PHOSPHO1: variants seen among roughly 807,000 people sequenced by gnomAD.
The protein encoded by PHOSPHO1 is phosphoethanolamine/phosphocholine phosphatase 1.
Under a neutral mutation model 17.7 loss-of-function variants are expected in PHOSPHO1, and 6 were observed. The ratio of observed to expected loss-of-function variants is 0.34; its 90% CI spans 0.19 to 0.67. The LOEUF is 0.67. Among genes scored for constraint, PHOSPHO1 ranks in the 30% least tolerant of loss-of-function variants. The pLI is 0.69. For missense variants in PHOSPHO1, 330 were observed against 392.1 expected (o/e 0.84, Z 1.34); for synonymous variants, 159 against 174.6 (o/e 0.91, Z 0.71).
At chr17:49,230,050 C>G (rs1297157988) in intron 1 of PHOSPHO1, among the ~76,000 whole-genome samples, 4 of 152,050 alleles carry the variant, frequency 2.6e-5, no homozygotes, top group Non-Finnish European at 4.4e-5. Flanking sequence ...TCTGGGCACT[C>G]CCTGGGTGGG....
At chr17:49,226,203 C>T (rs1459646754) in intron 2 of PHOSPHO1, among the ~76,000 whole-genome samples, 1 of 152,098 alleles carries the variant, frequency 6.6e-6, no homozygotes, top group Non-Finnish European at 1.5e-5. Flanking sequence ...TTCTCCCGCC[C>T]AGCTCCCACC....
At chr17:49,230,440 C>CCCCTATCTCCCGGAGCCCAGGACTCACG (rs1296237104) in intron 1 of PHOSPHO1, 28 bp downstream of exon 1, 1 of 152,600 alleles carries the variant, frequency 6.6e-6, no homozygotes, top group East Asian at 1.9e-4. Context: ...CCCCAGCCCT[C>CCCCTATCTCCCGGAGCCCAGGACTCACG]CCCTATCTCC....
chr17:49,226,816 G>A, intron 1 of PHOSPHO1, 58 bp from the exon 2 acceptor site: 1 of 1,088,632 alleles, frequency 9.2e-7, no homozygotes, highest in Non-Finnish European at 1.4e-6. Flanking sequence ...GCTTCCACCA[G>A]GAATACCCAC....
chr17:49,227,898 A>G (rs956275174), intron 1 of PHOSPHO1, among the ~76,000 whole-genome samples: 4 of 151,974 alleles, frequency 2.6e-5, no homozygotes, highest in Non-Finnish European at 5.9e-5. Flanking sequence ...GGGCAAAGAG[A>G]GGGTGAGGGA....
In PHOSPHO1 at chr17:49,226,631, G is replaced by A. The variant is rs1567889617; in HGVS notation, c.45+16C>T. Reference sequence around the variant, plus strand: ...TGAGGCCTCATCCTAGGAGACCCCTGGAGGGACCCACTTACCCTAGATAGG... The same window carrying A: ...TGAGGCCTCATCCTAGGAGACCCCTAGAGGGACCCACTTACCCTAGATAGG... On this transcript the variant is annotated intron_variant, in intron 2 of 2. Transcript: ENST00000310544. 1 of 1,613,814 alleles carries A rather than the reference G, an allele frequency of 6.2e-7. No individual in the cohort carries two copies. Among genetic ancestry groups the A allele is most frequent in the Admixed American group, 1.7e-5 (1 of 60,004 alleles).
chr17:49,225,082 G>A lies in PHOSPHO1; in HGVS notation c.46-78C>T, dbSNP rs2043339031. 2 of 1,444,488 alleles carry A rather than the reference G, an allele frequency of 1.4e-6. No homozygotes were observed. The highest frequency in any genetic ancestry group is 1.8e-6 in the Non-Finnish European group (2 of 1,104,874). 89.5% of individuals were successfully genotyped at this position (1,444,488 alleles called of 1,614,324 possible). Reference sequence around the variant, plus strand: ...AGGGGGCGCGGCAGGAGCCCGCCCGGGAGAGGCTGGTTAGCGGGCCACGGC... The same window carrying A: ...AGGGGGCGCGGCAGGAGCCCGCCCGAGAGAGGCTGGTTAGCGGGCCACGGC... On this transcript the variant is annotated intron_variant, in intron 2 of 2. Coordinates refer to ENST00000310544, the MANE Select transcript of PHOSPHO1 (RefSeq NM_178500.4).
chr17:49,230,303 G>A (rs1414963041), intron 1 of PHOSPHO1, among the ~76,000 whole-genome samples, 165 bp downstream of exon 1: 1 of 152,020 alleles, frequency 6.6e-6, no homozygotes, highest in Non-Finnish European at 1.5e-5. Flanking sequence ...GGGACGGAGG[G>A]ATACCCCAGC....
At chr17:49,226,163 A>C (rs2043354150) in intron 2 of PHOSPHO1, among the ~76,000 whole-genome samples, 1 of 152,070 alleles carries the variant, frequency 6.6e-6, no homozygotes, top group African/African-American at 2.4e-5. Flanking sequence ...AGCAGGTGAC[A>C]TGCAGCTTCC....
Position 49,224,371 on chromosome 17 carries a change from G to T in PHOSPHO1, c.679C>A (p.Pro227Thr). Reference protein sequence around the residue: ...GDVAFPRRGYPMHRLIQEAQK... With the variant: ...GDVAFPRRGYTMHRLIQEAQK... ...GCCTCCTGAATGAGGCGGTGCATGGGGTAGCCGCGGCGCGGGAAGGCCACG... is the reference window on the plus strand; with the variant it reads ...GCCTCCTGAATGAGGCGGTGCATGGTGTAGCCGCGGCGCGGGAAGGCCACG... Residue 227 changes from proline (P) to threonine (T), a missense_variant, in exon 3 of 3, where the codon CCC becomes ACC. Pro to Thr is a conservative substitution (Grantham distance 38, BLOSUM62 -1). Transcript: ENST00000310544. The T allele has an allele frequency of 6.4e-7, 1 of 1,557,704 alleles. No individual in the cohort carries two copies.
chr17:49,224,364 T>C lies in PHOSPHO1; in HGVS notation c.686A>G (p.His229Arg). 6.4e-7 allele frequency: 1 copy of C among 1,564,076 alleles called. No individual in the cohort carries two copies. The highest frequency in any genetic ancestry group is 8.6e-7 in the Non-Finnish European group (1 of 1,158,282). ...VAFPRRGYPM[H>R]RLIQEAQKAE... ...CTTCTGGGCCTCCTGAATGAGGCGG[T>C]GCATGGGGTAGCCGCGGCGCGGGAA... Residue 229 changes from histidine to arginine, a missense_variant, in exon 3 of 3, where the codon CAC (histidine) becomes CGC (arginine). His to Arg is a conservative substitution (Grantham distance 29, BLOSUM62 0). Coordinates refer to ENST00000310544, the MANE Select transcript of PHOSPHO1 (RefSeq NM_178500.4).
At chr17:49,225,130 A>T in intron 2 of PHOSPHO1, 126 bp from the exon 3 acceptor site, 1 of 1,438,674 alleles carries the variant, frequency 7.0e-7, no homozygotes, top group Non-Finnish European at 9.1e-7. Flanking sequence ...CACATCCAAC[A>T]CCTGAGGAGG....
At position 49,228,273 on chromosome 17, in the gene PHOSPHO1, CTTCCTTCCTTCCTTCCTTCCTTCCTCCT is replaced by C. The variant is rs1184376561; in HGVS notation, c.-67-1543_-67-1516del. 8.2e-4 allele frequency among the ~76,000 whole-genome samples: 82 copies of C among 100,484 alleles called. 2 individuals are homozygous for C. In the Middle Eastern group the frequency reaches 0.015, roughly 18 times the overall value. 65.9% of individuals were successfully genotyped at this position (100,484 alleles called of 152,430 possible). ...CCTTCCTTCCTTCCTTCCTTCCTTCCTTCCTTCCTTCCTTCCTTCCTTCCTCCTTCCTTCCTTCCTTCCTTCCTTCCTT... is the reference window on the plus strand; with the variant it reads ...CCTTCCTTCCTTCCTTCCTTCCTTCCTCCTTCCTTCCTTCCTTCCTTCCTT... On this transcript the variant is annotated intron_variant, in intron 1 of 2. Coordinates refer to ENST00000310544, the MANE Select transcript of PHOSPHO1 (RefSeq NM_178500.4).
chr17:49,225,942 G>C (rs766701399), intron 2 of PHOSPHO1, among the ~76,000 whole-genome samples: 1 of 152,046 alleles, frequency 6.6e-6, no homozygotes, highest in Non-Finnish European at 1.5e-5. Flanking sequence ...AGACAGAGTA[G>C]GGGTAGGGAT....
At chr17:49,230,297 C>T (rs943829152) in intron 1 of PHOSPHO1, among the ~76,000 whole-genome samples, 171 bp downstream of exon 1, 1 of 151,892 alleles carries the variant, frequency 6.6e-6, no homozygotes, top group African/African-American at 2.4e-5. Context: ...GAGTCGGGGA[C>T]GGAGGGATAC....
Position 49,226,669 on chromosome 17 carries a change from G to A in PHOSPHO1, c.23C>T (p.Ser8Phe). 2 of 1,614,230 alleles carry A rather than the reference G, an allele frequency of 1.2e-6. No individual in the cohort carries two copies. The highest frequency in any genetic ancestry group is 1.7e-6 in the Non-Finnish European group (2 of 1,180,038). ...TACCCTAGATAGGCAGCGGAGGCCA[G>A]AAACTGGAAAACAGCCACTCATTGT... is the stretch of plus-strand genomic sequence containing the variant. MSGCFPVSGLRCLSRDGR... is the reference protein window; with the variant it reads MSGCFPVFGLRCLSRDGR... The change falls in exon 2 of 3, where the codon TCT becomes TTT. Residue 8 changes from serine to phenylalanine, a missense_variant. Transcript: ENST00000310544.
chr17:49,223,998 C>T lies in PHOSPHO1; in HGVS notation c.*248G>A. The T allele has an allele frequency of 4.4e-6, 2 of 452,566 alleles. No individual in the cohort carries two copies. Among genetic ancestry groups the T allele is most frequent in the South Asian group, 8.0e-5 (1 of 12,576 alleles). The allele number at this position is 452,566 out of a possible 1,614,324, so 28.0% of individuals were successfully genotyped here. A position where few individuals can be genotyped will look rare whatever the true frequency, so the allele number is the denominator to read the frequency against. ...CTTCCAAGGTTTGCGCGCCACCCCG[C>T]GATGGGTCAGACTCCAGAACTCAAC... On this transcript the variant is annotated 3_prime_UTR_variant, in exon 3 of 3. Coordinates refer to ENST00000310544, the MANE Select transcript of PHOSPHO1 (RefSeq NM_178500.4).
chr17:49,225,356 G>A (rs1482938640), intron 2 of PHOSPHO1: 1 of 985,310 alleles, frequency 1.0e-6, no homozygotes, highest in African/African-American at 1.7e-5. Flanking sequence ...ACCACTTTGG[G>A]GAGGTTTCTG....
At chr17:49,225,570 G>T in intron 2 of PHOSPHO1, 1 of 1,262,894 alleles carries the variant, frequency 7.9e-7, no homozygotes, top group Non-Finnish European at 1.0e-6. Context: ...TAGCCCAATG[G>T]CACTGAACAG....
At chr17:49,225,864 G>A (rs1489758729) in intron 2 of PHOSPHO1, 2 of 1,188,028 alleles carry the variant, frequency 1.7e-6, no homozygotes, top group Admixed American at 7.1e-5. Context: ...GGGGACTTGG[G>A]GGGTGTGGAG....
Sources: gnomAD v4.1 joint callset for allele counts (sites outside exome capture counted in the v4.1 genomes callset) on GRCh38, gnomAD v4.1.1 for gene constraint, MANE v1.5 for transcripts, NCBI Gene and HGNC (gene_info 2026-07-23, HGNC 2026-07-21) for gene names.